The following PLA2G4A variants were observed in gnomAD, a reference collection of about 807,000 sequenced individuals.
PLA2G4A encodes cytosolic phospholipase A2.
In PLA2G4A, 40 loss-of-function variants were observed where a neutral mutation model predicts 81.9. The observed-to-expected ratio is 0.49, with a 90% CI of 0.38 to 0.64. The LOEUF (loss-of-function observed/expected upper bound fraction) is 0.64. Ranked by LOEUF, PLA2G4A falls within the 30% of genes least tolerant of loss-of-function variation. The pLI is 0.00. For synonymous variants in PLA2G4A, 302 were observed against 296.9 expected (o/e 1.02, Z -0.18); for missense variants, 715 against 905.1 (o/e 0.79, Z 2.69).
chr1:186,955,024 G>A (rs1264512569), intron 13 of PLA2G4A, among the ~76,000 whole-genome samples: 1 of 152,124 alleles, frequency 6.6e-6, no homozygotes, highest in Non-Finnish European at 1.5e-5. Flanking sequence ...AAGAGAAGGG[G>A]AAAGTAACTA....
intron 2 of PLA2G4A, among the ~76,000 whole-genome samples, chr1:186,858,902 C>T (rs1222917562): frequency 6.6e-6 from 1 of 150,694 alleles, no homozygotes; most frequent in East Asian, 1.9e-4. Context: ...GAAAAAAAAC[C>T]AACTGTGGGT....
At chr1:186,949,407 G>GAA (rs869069023) in intron 12 of PLA2G4A, among the ~76,000 whole-genome samples, 18 of 18,152 alleles carry the variant, frequency 9.9e-4, no homozygotes, top group Admixed American at 8.6e-3. Context: ...AAAGAAAGAA[G>GAA]AAAGAAAGAA....
chr1:186,971,178 T>C (rs1657343756), intron 15 of PLA2G4A, among the ~76,000 whole-genome samples: 1 of 151,984 alleles, frequency 6.6e-6, no homozygotes, highest in Non-Finnish European at 1.5e-5. Flanking sequence ...TTATATCATA[T>C]ACTATATGAT....
intron 7 of PLA2G4A, among the ~76,000 whole-genome samples, chr1:186,922,630 G>C (rs897843980): frequency 2.6e-5 from 4 of 152,150 alleles, no homozygotes; most frequent in Non-Finnish European, 5.9e-5. Flanking sequence ...GAGCTGCCTC[G>C]ACCGTCTGTT....
At chr1:186,846,856 T>C (rs1652193697) in intron 1 of PLA2G4A, among the ~76,000 whole-genome samples, 1 of 152,094 alleles carries the variant, frequency 6.6e-6, no homozygotes. Flanking sequence ...ATTTTCTTAG[T>C]GGTTGCTCTA....
intron 7 of PLA2G4A, among the ~76,000 whole-genome samples, chr1:186,924,106 A>T (rs1236189608): frequency 1.3e-5 from 2 of 152,220 alleles, no homozygotes; most frequent in Non-Finnish European, 2.9e-5. Context: ...TATATCTATT[A>T]TTCAGATTTT....
intron 2 of PLA2G4A, among the ~76,000 whole-genome samples, chr1:186,865,828 C>A (rs1423545027): frequency 1.3e-5 from 2 of 151,728 alleles, no homozygotes; most frequent in Non-Finnish European, 2.9e-5. Context: ...ATATACTTAT[C>A]CAGAATGAAT....
intron 13 of PLA2G4A, among the ~76,000 whole-genome samples, chr1:186,951,323 G>C (rs781344650): frequency 5.3e-5 from 8 of 152,014 alleles, no homozygotes; most frequent in Non-Finnish European, 7.4e-5. Context: ...TGGACTTGGG[G>C]CAGAGATAAG....
At chr1:186,959,957 T>C (rs2102264956) in intron 14 of PLA2G4A, among the ~76,000 whole-genome samples, 1 of 152,296 alleles carries the variant, frequency 6.6e-6, no homozygotes, top group East Asian at 1.9e-4. Flanking sequence ...TACATTTGTT[T>C]AACCTATGAT....
chr1:186,896,236 C>G (rs771110081), intron 5 of PLA2G4A, among the ~76,000 whole-genome samples: 1 of 152,082 alleles, frequency 6.6e-6, no homozygotes, highest in Non-Finnish European at 1.5e-5. Context: ...GTTTCTGGTA[C>G]GTATTAGGCA....
intron 17 of PLA2G4A, among the ~76,000 whole-genome samples, 159 bp downstream of exon 17, chr1:186,979,631 A>G (rs1657651367): frequency 6.6e-6 from 1 of 152,236 alleles, no homozygotes; most frequent in Non-Finnish European, 1.5e-5. Context: ...GCTAATCTTC[A>G]GAAGAACCCT....
intron 7 of PLA2G4A, among the ~76,000 whole-genome samples, chr1:186,929,576 G>A (rs2383552): frequency 0.31 from 46,420 of 152,002 alleles, 9,633 homozygotes; most frequent in African/African-American, 0.58. Context: ...CCCACAGAGT[G>A]TTTTCTTGGC....
intron 14 of PLA2G4A, among the ~76,000 whole-genome samples, chr1:186,963,593 G>T (rs375493423): frequency 6.6e-6 from 1 of 152,104 alleles, no homozygotes; most frequent in Non-Finnish European, 1.5e-5. Flanking sequence ...ATTCAAGACC[G>T]TTATTCACAA....
intron 7 of PLA2G4A, among the ~76,000 whole-genome samples, chr1:186,924,380 A>G (rs1558442928): frequency 1.3e-5 from 2 of 152,124 alleles, no homozygotes; most frequent in African/African-American, 4.8e-5. Context: ...GCCCTATCTT[A>G]CCTAACCTTG....
intron 2 of PLA2G4A, among the ~76,000 whole-genome samples, chr1:186,868,071 C>CTTTTT (rs59978011): frequency 8.0e-5 from 9 of 112,904 alleles, no homozygotes; most frequent in East Asian, 2.7e-4. Context: ...GTGTATAATT[C>CTTTTT]TTTTTTTTTT....
chr1:186,939,100 C>T lies in PLA2G4A; in HGVS notation c.788C>T (p.Pro263Leu). Reference sequence around the variant, plus strand: ...CTAATGAAAAATGTTAGCCACAATCCCCTTTTACTTCTCACACCACAGAAA... The same window carrying T: ...CTAATGAAAAATGTTAGCCACAATCTCCTTTTACTTCTCACACCACAGAAA... Reference protein sequence around the residue: ...EELMKNVSHNPLLLLTPQKVK... With the variant: ...EELMKNVSHNLLLLLTPQKVK... Residue 263 changes from proline to leucine, a missense_variant, in exon 9 of 18, where the codon CCC becomes CTC. Coordinates refer to ENST00000367466, the MANE Select transcript of PLA2G4A (RefSeq NM_024420.3). 1 of 1,608,194 alleles carries T rather than the reference C, an allele frequency of 6.2e-7. No homozygotes were observed. The highest frequency in any genetic ancestry group is 8.5e-7 in the Non-Finnish European group (1 of 1,174,876).
At chr1:186,931,866 G>C (rs1301741950) in intron 7 of PLA2G4A, among the ~76,000 whole-genome samples, 1 of 152,126 alleles carries the variant, frequency 6.6e-6, no homozygotes, top group Non-Finnish European at 1.5e-5. Flanking sequence ...TCTGGGTAAT[G>C]ATAGCATCAT....
At chr1:186,839,886 A>G (rs1256663862) in intron 1 of PLA2G4A, among the ~76,000 whole-genome samples, 3 of 151,868 alleles carry the variant, frequency 2.0e-5, no homozygotes. Context: ...ATGTGCTGCA[A>G]CACTCCAACG....
At chr1:186,845,275 G>A (rs1652131598) in intron 1 of PLA2G4A, among the ~76,000 whole-genome samples, 1 of 152,048 alleles carries the variant, frequency 6.6e-6, no homozygotes, top group Non-Finnish European at 1.5e-5. Flanking sequence ...CATGAGTTGA[G>A]GCAGTTTGAG....
Sources: allele counts gnomAD v4.1 joint callset (sites outside exome capture counted in the v4.1 genomes callset), GRCh38; gene constraint gnomAD v4.1.1; transcripts MANE v1.5; gene names NCBI Gene and HGNC (gene_info 2026-07-23, HGNC 2026-07-21).